CTNS: variants seen among roughly 807,000 people sequenced by gnomAD.
CTNS encodes the protein cystinosin, lysosomal cystine transporter, also known as cystinosin.
In CTNS, 27 loss-of-function variants were observed where a neutral mutation model predicts 43.7. The observed-to-expected ratio is 0.62, with a 90% confidence interval of 0.46 to 0.85. The LOEUF is 0.85. Among genes scored for constraint, CTNS ranks in the 40% least tolerant of loss-of-function variants. The pLI is 0.00. For synonymous variants in CTNS, 187 were observed against 190.6 expected (o/e 0.98, Z 0.16); for missense variants, 457 against 475.4 (o/e 0.96, Z 0.36).
Position 3,648,894 on chromosome 17 carries a change from G to A in CTNS, c.188G>A (p.Arg63His), listed in dbSNP as rs760461979. Residue 63 changes from arginine (R) to histidine (H), a missense_variant, in exon 5 of 12, where the codon CGT becomes CAT. Arg to His is a conservative substitution (Grantham distance 29, BLOSUM62 0). Transcript: ENST00000046640. ...GTGATCACTTTTGAAATCACATTTC[G>A]TTCCAAAAATATTACTATCCTTGAG... ...TLVITFEITFRSKNITILELP... is the reference protein window; with the variant it reads ...TLVITFEITFHSKNITILELP... 1.5e-5 allele frequency: 25 copies of A among 1,613,874 alleles called. No individual in the cohort carries two copies. Among genetic ancestry groups the A allele is most frequent in the East Asian group, 8.9e-5 (4 of 44,904 alleles).
At chr17:3,649,548 A>G (rs530108158) in intron 5 of CTNS, among the ~76,000 whole-genome samples, 190 of 152,200 alleles carry the variant, frequency 1.2e-3, no homozygotes, top group African/African-American at 4.4e-3. Context: ...GGAACACAGC[A>G]TCTCAGGCCC....
At position 3,658,153 on chromosome 17, in the gene CTNS, C is replaced by T. The variant is rs757009591; in HGVS notation, c.830C>T (p.Thr277Met). 2.1e-5 allele frequency: 34 copies of T among 1,612,200 alleles called. No homozygotes were observed. The Admixed American group carries it at 2.7e-4, about 13-fold the overall frequency. ...TTCTCCTACATCAAGCTCGCAGTCACGCTGGTCAAGTATTTTCCACAGGTA... is the reference window on the plus strand; with the variant it reads ...TTCTCCTACATCAAGCTCGCAGTCATGCTGGTCAAGTATTTTCCACAGGTA... ...FCFSYIKLAV[T>M]LVKYFPQAYM... Residue 277 changes from threonine (T) to methionine (M), a missense_variant, in exon 10 of 12, where the codon ACG becomes ATG. By Grantham distance (81) the Thr-to-Met change is moderately conservative. Transcript: ENST00000046640.
rs1030872379 is a variant in CTNS at position 3,640,353 on chromosome 17, G to T, written c.61+86G>T. Reference sequence around the variant, plus strand: ...TAATCTGATCTGTTTGTTGCCAAGGGTTTAGAATCATTCAGACCACATGTC... The same window carrying T: ...TAATCTGATCTGTTTGTTGCCAAGGTTTTAGAATCATTCAGACCACATGTC... On this transcript the variant is annotated intron_variant, in intron 3 of 11. Coordinates refer to ENST00000046640, the MANE Select transcript of CTNS (RefSeq NM_004937.3). 7.2e-6 allele frequency: 10 copies of T among 1,397,776 alleles called. No individual in the cohort carries two copies. In the Admixed American group the frequency reaches 8.4e-5, roughly 12 times the overall value. The allele number at this position is 1,397,776 out of a possible 1,614,324, so 86.6% of individuals were successfully genotyped here.
chr17:3,662,489 G>C lies in CTNS; in HGVS notation c.*2120G>C, dbSNP rs899946522. Among the ~76,000 whole-genome samples, 2 of 152,142 alleles carry C rather than the reference G, an allele frequency of 1.3e-5. No homozygotes were observed. The highest frequency in any genetic ancestry group is 2.9e-5 in the Non-Finnish European group (2 of 68,016). The stretch of plus-strand genomic sequence containing the variant: ...CACGTGGGGTTGTGTCCCTCGCTGG[G>C]ATACACGGAGTGCCCTTATAGGCAG... On this transcript the variant is annotated 3_prime_UTR_variant, in exon 12 of 12. Coordinates refer to ENST00000046640, the MANE Select transcript of CTNS (RefSeq NM_004937.3).
intron 9 of CTNS, chr17:3,657,661 G>A (rs529263980): frequency 3.4e-5 from 13 of 385,042 alleles, no homozygotes; most frequent in Admixed American, 7.8e-5. Flanking sequence ...CCAGAGTTCC[G>A]ACCCCACGTC....
chr17:3,645,089 C>T (rs2075813977), intron 3 of CTNS, among the ~76,000 whole-genome samples: 1 of 152,202 alleles, frequency 6.6e-6, no homozygotes, highest in South Asian at 2.1e-4. Context: ...TGGTCCTCAG[C>T]TCTAGGCAGA....
intron 4 of CTNS, 36 bp from the exon 5 acceptor site, chr17:3,648,811 G>C (rs758089547): frequency 2.6e-6 from 4 of 1,529,988 alleles, no homozygotes; most frequent in Non-Finnish European, 1.8e-6. Flanking sequence ...TCACTGTCCA[G>C]CTTCTCAGCA....
chr17:3,647,546 T>G, intron 4 of CTNS, 24 bp downstream of exon 4: 2 of 1,609,568 alleles, frequency 1.2e-6, no homozygotes, highest in African/African-American at 2.7e-5. Context: ...CCTGGCGCTG[T>G]GCTCAGCTCC....
intron 7 of CTNS, 66 bp from the exon 8 acceptor site, chr17:3,656,421 T>C: frequency 1.8e-6 from 1 of 562,854 alleles, no homozygotes; most frequent in Admixed American, 3.2e-5. Context: ...CCTCACCCTC[T>C]GCCCTGTCCC....
chr17:3,660,803 T>G lies in CTNS; in HGVS notation c.*434T>G. 6.2e-7 allele frequency: 1 copy of G among 1,605,620 alleles called. No homozygotes were observed. The highest frequency in any genetic ancestry group is 8.5e-7 in the Non-Finnish European group (1 of 1,176,914). On this transcript the variant is annotated 3_prime_UTR_variant, in exon 12 of 12. Coordinates refer to ENST00000046640, the MANE Select transcript of CTNS (RefSeq NM_004937.3). ...CATTCCCAGAGATCAAGCAGCCCGGTGCCGTGGCCAGTGAACTCAGAGGTG... is the reference window on the plus strand; with the variant it reads ...CATTCCCAGAGATCAAGCAGCCCGGGGCCGTGGCCAGTGAACTCAGAGGTG...
At chr17:3,639,914 T>C (rs917370828) in intron 2 of CTNS, among the ~76,000 whole-genome samples, 1 of 152,124 alleles carries the variant, frequency 6.6e-6, no homozygotes, top group Non-Finnish European at 1.5e-5. Flanking sequence ...AAAAAGCAAT[T>C]GAAGAGGGAA....
intron 11 of CTNS, 82 bp downstream of exon 11, chr17:3,660,057 G>T: frequency 6.9e-7 from 1 of 1,456,316 alleles, no homozygotes; most frequent in Non-Finnish European, 9.6e-7. Context: ...TCCAGCCAGG[G>T]CTCCACCCCC....
intron 7 of CTNS, chr17:3,655,806 C>T (rs535416018): frequency 4.9e-4 from 119 of 244,692 alleles, no homozygotes; most frequent in South Asian, 1.4e-3. Flanking sequence ...AGCAGAGAGC[C>T]GGGAGGGAGA....
intron 5 of CTNS, chr17:3,650,232 A>G (rs161350): frequency 0.97 from 1,510,649 of 1,550,474 alleles, 741,811 homozygotes; most frequent in Non-Finnish European, 1. Context: ...GAGGCACATC[A>G]AGATGGGCTG....
In CTNS at chr17:3,642,221, C is replaced by G. The variant is rs190555790; in HGVS notation, c.61+1954C>G. On this transcript the variant is annotated intron_variant, in intron 3 of 11. Coordinates refer to ENST00000046640, the MANE Select transcript of CTNS (RefSeq NM_004937.3). ...CCATTAGTAATGCTAACACGCTCCCCTAGGAGAAAAACAAAAAATCCAGCT... is the reference window on the plus strand; with the variant it reads ...CCATTAGTAATGCTAACACGCTCCCGTAGGAGAAAAACAAAAAATCCAGCT... Among the ~76,000 whole-genome samples, 3 of 151,560 alleles carry G rather than the reference C, an allele frequency of 2.0e-5. No individual in the cohort carries two copies. In the East Asian group the frequency reaches 5.8e-4, roughly 29 times the overall value.
At position 3,660,411 on chromosome 17, in the gene CTNS, T is replaced by A. The variant is rs1320319959; in HGVS notation, c.*42T>A. ...GTACCCAGCCTCTGGCCTCGTGCCC[T>A]GCTGGGGAAGGCCTCACCCAGCGAA... is the stretch of plus-strand genomic sequence containing the variant. On this transcript the variant is annotated 3_prime_UTR_variant, in exon 12 of 12. Transcript: ENST00000046640. The A allele has an allele frequency of 6.2e-7, 1 of 1,613,926 alleles. No individual in the cohort carries two copies. The highest frequency in any genetic ancestry group is 8.5e-7 in the Non-Finnish European group (1 of 1,180,042).
chr17:3,650,421 G>C (rs2075952797), intron 5 of CTNS: 1 of 1,456,438 alleles, frequency 6.9e-7, no homozygotes, highest in Non-Finnish European at 9.2e-7. Context: ...ACTCAAGGCT[G>C]CAGTGAGCCA....
intron 5 of CTNS, among the ~76,000 whole-genome samples, chr17:3,649,221 AG>A (rs1310019817): frequency 1.3e-5 from 2 of 152,134 alleles, no homozygotes; most frequent in East Asian, 3.9e-4. Context: ...GGCCAAGGTG[AG>A]CGGGTCACCT....
intron 2 of CTNS, among the ~76,000 whole-genome samples, chr17:3,639,802 T>G (rs2150887938): frequency 6.6e-6 from 1 of 152,318 alleles, no homozygotes; most frequent in South Asian, 2.1e-4. Flanking sequence ...GTTTATAGGT[T>G]CACAATGTCA....
Sources: gnomAD v4.1 joint callset for allele counts (sites outside exome capture counted in the v4.1 genomes callset) on GRCh38, gnomAD v4.1.1 for gene constraint, MANE v1.5 for transcripts, NCBI Gene and HGNC (gene_info 2026-07-23, HGNC 2026-07-21) for gene names.